Variants in ROBO2 observed in about 807,000 individuals in gnomAD.
ROBO2 encodes the protein roundabout homolog 2.
A neutral mutation model predicts 160.8 loss-of-function variants in ROBO2; 53 were observed. That is an observed-to-expected ratio of 0.33 (90% CI 0.26 to 0.41). ROBO2 has a LOEUF of 0.41. Among genes scored for constraint, ROBO2 ranks in the 10% least tolerant of loss-of-function variants. The probability of loss-of-function intolerance (pLI) is 1.00; values close to 1 mark genes in which losing one functional copy is unlikely to be tolerated. For missense variants in ROBO2, 1,577 were observed against 1,722.4 expected, an observed-to-expected ratio of 0.92 and a Z score of 1.49; for synonymous variants, 664 against 611.7, an observed-to-expected ratio of 1.09 and a Z score of -1.26.
At chr3:76,958,595 C>G (rs543633323) in intron 2 of ROBO2, among the ~76,000 whole-genome samples, 1 of 152,328 alleles carries the variant, frequency 6.6e-6, no homozygotes, top group South Asian at 2.1e-4. Flanking sequence ...TTTACTACAA[C>G]CTTCTGAAGT....
At chr3:76,987,836 A>AT (rs982317133) in intron 2 of ROBO2, among the ~76,000 whole-genome samples, 3 of 151,294 alleles carry the variant, frequency 2.0e-5, no homozygotes, top group African/African-American at 4.9e-5. Context: ...GTTTACGAGA[A>AT]TTTTTTTTTG....
chr3:76,365,033 G>A (rs1435825149), intron 2 of ROBO2, among the ~76,000 whole-genome samples: 3 of 151,910 alleles, frequency 2.0e-5, no homozygotes, highest in Non-Finnish European at 4.4e-5. Context: ...GTCTAAGAGA[G>A]ATTAAAGTAA....
intron 2 of ROBO2, among the ~76,000 whole-genome samples, chr3:77,388,784 A>T (rs1243597895): frequency 1.3e-5 from 2 of 152,308 alleles, no homozygotes; most frequent in East Asian, 3.9e-4. Context: ...TTAGAAAGGA[A>T]CCTTAATACA....
At chr3:77,205,988 C>G (rs1229234158) in intron 2 of ROBO2, among the ~76,000 whole-genome samples, 2 of 152,116 alleles carry the variant, frequency 1.3e-5, no homozygotes, top group Non-Finnish European at 2.9e-5. Context: ...AAGGGACACA[C>G]TCCCTCTGAA....
intron 2 of ROBO2, among the ~76,000 whole-genome samples, chr3:76,191,611 A>G (rs1702008382): frequency 6.6e-6 from 1 of 152,062 alleles, no homozygotes; most frequent in African/African-American, 2.4e-5. Flanking sequence ...TCAATTCTGC[A>G]TTATAAAATT....
chr3:77,563,777 T>A (rs528163739), intron 11 of ROBO2, among the ~76,000 whole-genome samples: 1 of 152,258 alleles, frequency 6.6e-6, no homozygotes, highest in South Asian at 2.1e-4. Context: ...TTTTATACCA[T>A]ATATTACATA....
intron 17 of ROBO2, among the ~76,000 whole-genome samples, chr3:77,593,213 T>TA (rs35319274): frequency 0.011 from 1,606 of 144,100 alleles, 31 homozygotes; most frequent in African/African-American, 0.036. Flanking sequence ...GATAGTCCAT[T>TA]AAAAAAAAAA....
intron 2 of ROBO2, among the ~76,000 whole-genome samples, chr3:76,109,667 A>C (rs2070127794): frequency 1.3e-5 from 2 of 151,832 alleles, no homozygotes; most frequent in Admixed American, 1.3e-4. Context: ...TTTTTTCAGA[A>C]ATTTTTTTAT....
chr3:76,362,867 C>T (rs1005539319), intron 2 of ROBO2, among the ~76,000 whole-genome samples: 1 of 152,004 alleles, frequency 6.6e-6, no homozygotes, highest in African/African-American at 2.4e-5. Context: ...CTTCTGAGGT[C>T]GTTCAACAGA....
chr3:76,376,974 T>G (rs1055172121), intron 2 of ROBO2, among the ~76,000 whole-genome samples: 2 of 152,190 alleles, frequency 1.3e-5, no homozygotes, highest in Admixed American at 6.5e-5. Flanking sequence ...AAACTTTTTC[T>G]GTTGTGCATG....
intron 2 of ROBO2, among the ~76,000 whole-genome samples, chr3:76,400,291 T>C (rs2077738946): frequency 1.3e-5 from 2 of 151,612 alleles, no homozygotes; most frequent in Admixed American, 1.3e-4. Context: ...GCCAGTGAGA[T>C]AGTGAAATTA....
At chr3:76,948,998 G>A (rs1417703457) in intron 2 of ROBO2, among the ~76,000 whole-genome samples, 8 of 141,414 alleles carry the variant, frequency 5.7e-5, no homozygotes, top group Non-Finnish European at 9.0e-5. Context: ...TGATCCACCC[G>A]CCTCGGCCTC....
intron 2 of ROBO2, among the ~76,000 whole-genome samples, chr3:76,554,645 A>G (rs2083601855): frequency 6.6e-6 from 1 of 151,432 alleles, no homozygotes; most frequent in African/African-American, 2.4e-5. Context: ...ACTTTTCTTG[A>G]GCTCCATCAT....
At chr3:76,626,874 T>C (rs2089680320) in intron 2 of ROBO2, among the ~76,000 whole-genome samples, 1 of 152,034 alleles carries the variant, frequency 6.6e-6, no homozygotes, top group East Asian at 2.0e-4. Flanking sequence ...TGTATTTTAG[T>C]GGAGACGAAG....
intron 2 of ROBO2, among the ~76,000 whole-genome samples, chr3:76,659,634 G>A (rs2091734250): frequency 6.6e-6 from 1 of 152,076 alleles, no homozygotes; most frequent in East Asian, 1.9e-4. Flanking sequence ...TTAAAAGGAA[G>A]CCTACGACTT....
At chr3:75,962,418 G>T (rs1241898995) in intron 2 of ROBO2, among the ~76,000 whole-genome samples, 1 of 151,830 alleles carries the variant, frequency 6.6e-6, no homozygotes, top group African/African-American at 2.4e-5. Flanking sequence ...TGTGTTCTAG[G>T]TCTGGCTTGG....
chr3:76,335,836 A>C (rs2108092303), intron 2 of ROBO2, among the ~76,000 whole-genome samples: 1 of 152,282 alleles, frequency 6.6e-6, no homozygotes, highest in South Asian at 2.1e-4. Context: ...TCGTCCTCCC[A>C]AAGTGTTGGG....
intron 19 of ROBO2, among the ~76,000 whole-genome samples, chr3:77,597,983 A>T (rs1000195460): frequency 9.2e-5 from 14 of 152,140 alleles, no homozygotes; most frequent in African/African-American, 3.1e-4. Flanking sequence ...GTACTGTTTT[A>T]AGTCATCCAG....
At chr3:77,115,247 A>AAAG (rs1283182087) in intron 2 of ROBO2, among the ~76,000 whole-genome samples, 11 of 152,300 alleles carry the variant, frequency 7.2e-5, no homozygotes, top group African/African-American at 2.6e-4. Flanking sequence ...ACATGTAAGT[A>AAAG]AAGTAATTTA....
Sources: allele counts gnomAD v4.1 joint callset (sites outside exome capture counted in the v4.1 genomes callset), GRCh38; gene constraint gnomAD v4.1.1; transcripts MANE v1.5; gene names NCBI Gene and HGNC (gene_info 2026-07-23, HGNC 2026-07-21).